The following ASRGL1 variants were observed in gnomAD, a reference collection of about 807,000 sequenced individuals.
ASRGL1 encodes the protein asparaginase and isoaspartyl peptidase 1.
A neutral mutation model predicts 22.4 loss-of-function variants in ASRGL1; 16 were observed. The ratio of observed to expected loss-of-function variants is 0.71; its 90% CI spans 0.48 to 1.08. The LOEUF (loss-of-function observed/expected upper bound fraction) is 1.08, where lower values mean the gene tolerates loss of function less well. ASRGL1 is among the 50% of genes least tolerant of loss of function. The pLI is 0.00. For synonymous variants in ASRGL1, 165 were observed against 159.3 expected (o/e 1.04, Z -0.27); for missense variants, 412 against 410.1 (o/e 1.00, Z -0.04).
At chr11:62,351,421 A>T (rs1946163194) in intron 2 of ASRGL1, among the ~76,000 whole-genome samples, 1 of 152,076 alleles carries the variant, frequency 6.6e-6, no homozygotes, top group South Asian at 2.1e-4. Flanking sequence ...AGGCCGAGAC[A>T]GGTGGATCAC....
chr11:62,348,660 G>A lies in ASRGL1; in HGVS notation c.191-7665G>A, dbSNP rs539281366. ...GGAGGTTGCAGTGAGCCAAGATCGC[G>A]CCACTGCACTCCAGCCTGGGTGACA... is the stretch of plus-strand genomic sequence containing the variant. On this transcript the variant is annotated intron_variant, in intron 2 of 6. Transcript: ENST00000415229. Among the ~76,000 whole-genome samples the A allele has an allele frequency of 3.3e-4, 50 of 151,548 alleles. No individual in the cohort carries two copies. The South Asian group carries it at 9.6e-3, about 29-fold the overall frequency.
intron 4 of ASRGL1, among the ~76,000 whole-genome samples, chr11:62,362,248 A>G (rs1221879399): frequency 6.6e-6 from 1 of 151,600 alleles, no homozygotes; most frequent in African/African-American, 2.4e-5. Flanking sequence ...ATTTCACCCT[A>G]TAACAAGTCT....
At chr11:62,372,587 A>G (rs1946802661) in intron 4 of ASRGL1, 1 of 886,278 alleles carries the variant, frequency 1.1e-6, no homozygotes, top group Admixed American at 1.7e-5. Flanking sequence ...TTCTGCCTGT[A>G]CCAAATATGG....
chr11:62,349,612 T>A (rs545110874), intron 2 of ASRGL1, among the ~76,000 whole-genome samples: 1 of 152,262 alleles, frequency 6.6e-6, no homozygotes, highest in South Asian at 2.1e-4. Flanking sequence ...ACTATTATTT[T>A]GAGAATGTTC....
chr11:62,382,267 C>T (rs1336778098), intron 4 of ASRGL1: 1 of 151,920 alleles, frequency 6.6e-6, no homozygotes. Context: ...CGGAGGACCC[C>T]CACCGGCAAC....
At chr11:62,367,309 G>A (rs1220617841) in intron 4 of ASRGL1, among the ~76,000 whole-genome samples, 1 of 151,366 alleles carries the variant, frequency 6.6e-6, no homozygotes, top group Non-Finnish European at 1.5e-5. Flanking sequence ...CTGCACTCCA[G>A]CCTGGGCGAC....
chr11:62,339,021 A>T (rs766860851), intron 2 of ASRGL1, among the ~76,000 whole-genome samples: 11 of 152,098 alleles, frequency 7.2e-5, no homozygotes. Flanking sequence ...AGGCAGAGGA[A>T]GTCTCCAGGT....
chr11:62,347,776 C>A (rs950935958), intron 2 of ASRGL1, among the ~76,000 whole-genome samples: 1 of 151,986 alleles, frequency 6.6e-6, no homozygotes, highest in African/African-American at 2.4e-5. Context: ...ACTAAAAATA[C>A]AAAAATTAGC....
chr11:62,386,478 G>GTACAAATCA (rs1947212151), intron 4 of ASRGL1, among the ~76,000 whole-genome samples: 1 of 149,176 alleles, frequency 6.7e-6, no homozygotes. Flanking sequence ...TCATAGATAT[G>GTACAAATCA]TACATATATA....
chr11:62,371,817 G>T (rs1409731647), intron 4 of ASRGL1: 3 of 501,882 alleles, frequency 6.0e-6, no homozygotes, highest in Non-Finnish European at 7.2e-6. Flanking sequence ...AGCCGGGCGT[G>T]GTGGCGGGCT....
At chr11:62,367,984 T>A (rs916493301) in intron 4 of ASRGL1, among the ~76,000 whole-genome samples, 8 of 152,076 alleles carry the variant, frequency 5.3e-5, no homozygotes, top group African/African-American at 1.2e-4. Context: ...TTTTAATTTT[T>A]TTTTTCTGGC....
At chr11:62,370,849 AATG>A (rs1204869122) in intron 4 of ASRGL1, among the ~76,000 whole-genome samples, 9 of 152,222 alleles carry the variant, frequency 5.9e-5, no homozygotes, top group Middle Eastern at 3.4e-3. Flanking sequence ...CCTAAATTTT[AATG>A]ATCTTTGATA....
chr11:62,347,315 A>G (rs752962219), intron 2 of ASRGL1, among the ~76,000 whole-genome samples: 4 of 152,276 alleles, frequency 2.6e-5, no homozygotes, highest in Non-Finnish European at 5.9e-5. Context: ...CATAGGCACA[A>G]TTGATTAAAT....
chr11:62,391,735 G>A, intron 6 of ASRGL1, 103 bp downstream of exon 6: 1 of 1,395,450 alleles, frequency 7.2e-7, no homozygotes, highest in South Asian at 1.4e-5. Flanking sequence ...CTTTCCTGTT[G>A]GCTACAGATG....
chr11:62,337,942 A>G lies in ASRGL1; in HGVS notation c.-36A>G. ...GGCTTCCTTGGGCTGGCTTTGGACG[A>G]CGCTTTCGCCTTCCTGCTGCCTAGG... is the stretch of plus-strand genomic sequence containing the variant. On this transcript the variant is annotated 5_prime_UTR_variant, in exon 2 of 7. Transcript: ENST00000415229. 1 of 1,561,540 alleles carries G rather than the reference A, an allele frequency of 6.4e-7. No individual in the cohort carries two copies. The highest frequency in any genetic ancestry group is 8.7e-7 in the Non-Finnish European group (1 of 1,153,846).
In ASRGL1 at chr11:62,383,806, C is replaced by T. The variant is rs940565052; in HGVS notation, c.492-5327C>T. ...AGGCTTGGCAGTGTGCACCTGTAGTCCCAGCTTCTCAGGAGGCTGAGGCAG... is the reference window on the plus strand; with the variant it reads ...AGGCTTGGCAGTGTGCACCTGTAGTTCCAGCTTCTCAGGAGGCTGAGGCAG... On this transcript the variant is annotated intron_variant, in intron 4 of 6. Transcript: ENST00000415229. Among the ~76,000 whole-genome samples, 38 of 150,904 alleles carry T rather than the reference C, an allele frequency of 2.5e-4. No homozygotes were observed. The Middle Eastern group carries it at 0.01, about 41-fold the overall frequency.
intron 4 of ASRGL1, among the ~76,000 whole-genome samples, chr11:62,375,898 T>C (rs978762771): frequency 1.3e-4 from 20 of 151,496 alleles, no homozygotes; most frequent in Admixed American, 1.2e-3. Flanking sequence ...GATCACGAGA[T>C]CAAGACCAGC....
chr11:62,352,829 C>T (rs1224966364), intron 2 of ASRGL1, among the ~76,000 whole-genome samples: 3 of 152,136 alleles, frequency 2.0e-5, no homozygotes, highest in Admixed American at 1.3e-4. Context: ...GGTAAGGTGT[C>T]ATTTCTCTCT....
chr11:62,362,528 A>C (rs1361008992), intron 4 of ASRGL1, among the ~76,000 whole-genome samples: 1 of 82,152 alleles, frequency 1.2e-5, no homozygotes. Flanking sequence ...TATTTATATA[A>C]TATATATTAT....
Sources: allele counts gnomAD v4.1 joint callset (sites outside exome capture counted in the v4.1 genomes callset), GRCh38; gene constraint gnomAD v4.1.1; transcripts MANE v1.5; gene names NCBI Gene and HGNC (gene_info 2026-07-23, HGNC 2026-07-21).